The following NCAPG variants were observed in gnomAD, a reference collection of about 807,000 sequenced individuals.
NCAPG encodes non-SMC condensin I complex subunit G, also known as condensin complex subunit 3.
A neutral mutation model predicts 113.1 loss-of-function variants in NCAPG; 69 were observed. The observed-to-expected ratio is 0.61, with a 90% CI of 0.50 to 0.75. The LOEUF is 0.75. Ranked by LOEUF, NCAPG falls within the 30% of genes least tolerant of loss-of-function variation. The pLI is 0.00. For missense variants in NCAPG, 1,058 were observed against 1,177.0 expected (o/e 0.90, Z 1.48); for synonymous variants, 370 against 415.8 (o/e 0.89, Z 1.34).
rs1171538828 is a variant in NCAPG at position 17,812,846 on chromosome 4, A to C, written c.316-71A>C. The stretch of plus-strand genomic sequence containing the variant: ...AACTTCTTGCATTCCGAATGTATAG[A>C]GTTCAGATAATATTGATTATTTGGG... On this transcript the variant is annotated intron_variant, in intron 2 of 20. Coordinates refer to ENST00000251496, the MANE Select transcript of NCAPG (RefSeq NM_022346.5). 3.2e-6 allele frequency: 4 copies of C among 1,260,326 alleles called. No homozygotes were observed. The African/African-American group carries it at 5.9e-5, about 19-fold the overall frequency. 78.1% of individuals were successfully genotyped at this position (1,260,326 alleles called of 1,614,324 possible).
chr4:17,842,160 C>A, intron 19 of NCAPG, 150 bp from the exon 20 acceptor site: 2 of 591,530 alleles, frequency 3.4e-6, no homozygotes, highest in African/African-American at 1.9e-5. Flanking sequence ...GCAGTGATAA[C>A]TGGTACCAAG....
intron 13 of NCAPG, among the ~76,000 whole-genome samples, chr4:17,832,745 T>C (rs560255949): frequency 6.4e-4 from 97 of 152,114 alleles, no homozygotes; most frequent in African/African-American, 2.2e-3. Context: ...TATAGGACCC[T>C]AAGCCTCAGA....
At chr4:17,822,485 C>T (rs563304108) in intron 7 of NCAPG, among the ~76,000 whole-genome samples, 11 of 152,034 alleles carry the variant, frequency 7.2e-5, no homozygotes, top group African/African-American at 2.2e-4. Context: ...CCACTGTGCC[C>T]GGCTGAAGAT....
chr4:17,842,351 T>C lies in NCAPG; in HGVS notation c.2896T>C (p.Cys966Arg), dbSNP rs766309403. 1 of 1,612,190 alleles carries C rather than the reference T, an allele frequency of 6.2e-7. No homozygotes were observed. Among genetic ancestry groups the C allele is most frequent in the Non-Finnish European group, 8.5e-7 (1 of 1,178,560 alleles). ...VTVSARTNRRCQTAEADSESD... is the reference protein window; with the variant it reads ...VTVSARTNRRRQTAEADSESD... ...AGTTTCAGCTAGGACGAACAGGAGG[T>C]GTCAGACTGCTGAAGCCGACTCTGA... The change falls in exon 20 of 21, where the codon TGT becomes CGT. Residue 966 changes from cysteine to arginine, a missense_variant. Coordinates refer to ENST00000251496, the MANE Select transcript of NCAPG (RefSeq NM_022346.5).
Position 17,811,069 on chromosome 4 carries a change from TC to T in NCAPG, c.-7del. 6.7e-7 allele frequency: 1 copy of T among 1,488,282 alleles called. No individual in the cohort carries two copies. The highest frequency in any genetic ancestry group is 1.3e-5 in the South Asian group (1 of 77,738). The allele number at this position is 1,488,282 out of a possible 1,614,324, so 92.2% of individuals were successfully genotyped here. ...CGGGCAGGACTCGTCCCGGCAGGGTTCCAGAGCCATGGGAGCGGAAAGGAGG... is the reference window on the plus strand; with the variant it reads ...CGGGCAGGACTCGTCCCGGCAGGGTTCAGAGCCATGGGAGCGGAAAGGAGG... On this transcript the variant is annotated 5_prime_UTR_variant, in exon 1 of 21. Coordinates refer to ENST00000251496, the MANE Select transcript of NCAPG (RefSeq NM_022346.5). This position sits in a 1 kb window ranked among gnomAD's most constrained non-coding sequence, Gnocchi z 5.3.
At chr4:17,831,499 T>C (rs903443582) in intron 13 of NCAPG, among the ~76,000 whole-genome samples, 3 of 151,958 alleles carry the variant, frequency 2.0e-5, no homozygotes, top group African/African-American at 4.8e-5. Flanking sequence ...ATACAATGTA[T>C]CAGATAGAGA....
At chr4:17,831,608 C>G (rs1225438625) in intron 13 of NCAPG, among the ~76,000 whole-genome samples, 1 of 152,106 alleles carries the variant, frequency 6.6e-6, no homozygotes, top group East Asian at 1.9e-4. Context: ...GAGCAAATAC[C>G]AGAAGGAAGT....
At chr4:17,827,276 T>C (rs910347295) in intron 11 of NCAPG, among the ~76,000 whole-genome samples, 7 of 152,256 alleles carry the variant, frequency 4.6e-5, no homozygotes, top group African/African-American at 1.4e-4. Flanking sequence ...AAAAATTTTG[T>C]ATTCTAAGGA....
chr4:17,828,201 C>G, intron 11 of NCAPG, 77 bp from the exon 12 acceptor site: 1 of 965,512 alleles, frequency 1.0e-6, no homozygotes, highest in Middle Eastern at 2.2e-4. Context: ...ATGCCCTACA[C>G]AAAGCCCTGA....
At position 17,818,165 on chromosome 4, in the gene NCAPG, T is replaced by A. The variant is rs75873904; in HGVS notation, c.1118+77T>A. ...AATCTCCCAGTCCCCTTCCTCAAAG[T>A]CATGTTTGATTGTGAATATGTTAAA... On this transcript the variant is annotated intron_variant, in intron 7 of 20. Coordinates refer to ENST00000251496, the MANE Select transcript of NCAPG (RefSeq NM_022346.5). 1,860 of 1,438,232 alleles carry A rather than the reference T, an allele frequency of 1.3e-3. 77 individuals carry two copies. The East Asian group carries it at 0.043, about 33-fold the overall frequency. 89.1% of individuals were successfully genotyped at this position (1,438,232 alleles called of 1,614,324 possible).
At chr4:17,843,243 A>C (rs981505295) in intron 20 of NCAPG, 59 bp from the exon 21 acceptor site, 6 of 1,547,444 alleles carry the variant, frequency 3.9e-6, no homozygotes, top group Admixed American at 3.9e-5. Flanking sequence ...AGTTTTATTT[A>C]TAAATAAACT....
chr4:17,813,554 G>GT (rs1278123433), intron 3 of NCAPG, among the ~76,000 whole-genome samples: 1 of 151,866 alleles, frequency 6.6e-6, no homozygotes, highest in Non-Finnish European at 1.5e-5. Context: ...TTTTCATTGG[G>GT]TTTTTAATTT....
At position 17,811,396 on chromosome 4, in the gene NCAPG, G is replaced by A. The variant is rs1560219664; in HGVS notation, c.111+208G>A. 6.6e-6 allele frequency among the ~76,000 whole-genome samples: 1 copy of A among 152,206 alleles called. No homozygotes were observed. The highest frequency in any genetic ancestry group is 2.4e-5 in the African/African-American group (1 of 41,466). On this transcript the variant is annotated intron_variant, in intron 1 of 20. Coordinates refer to ENST00000251496, the MANE Select transcript of NCAPG (RefSeq NM_022346.5). This position sits in a 1 kb window ranked among gnomAD's most constrained non-coding sequence, Gnocchi z 5.3. The stretch of plus-strand genomic sequence containing the variant: ...GCCAGAAAGCCTCCGAAGCCTGGGC[G>A]TCGTTCACACGGGCCCCGCCTTGGC...
chr4:17,831,217 A>G, intron 13 of NCAPG, 101 bp downstream of exon 13: 1 of 1,208,618 alleles, frequency 8.3e-7, no homozygotes, highest in South Asian at 1.6e-5. Flanking sequence ...CTTATTGATG[A>G]TGATTATTAT....
chr4:17,831,252 T>C (rs1161877690), intron 13 of NCAPG, 136 bp downstream of exon 13: 2 of 991,224 alleles, frequency 2.0e-6, no homozygotes, highest in Admixed American at 6.5e-5. Flanking sequence ...GACACAATAC[T>C]TTTATCTTTT....
At position 17,843,612 on chromosome 4, in the gene NCAPG, A is replaced by C; in HGVS notation, c.*187A>C. The C allele has an allele frequency of 3.9e-6, 2 of 506,484 alleles. No individual in the cohort carries two copies. The highest frequency in any genetic ancestry group is 7.0e-6 in the Non-Finnish European group (2 of 285,816). 31.4% of individuals were successfully genotyped at this position (506,484 alleles called of 1,614,324 possible). A position where few individuals can be genotyped will look rare whatever the true frequency, so the allele number is the denominator to read the frequency against. ...GCATCAGTTATTATAGTCCAGAAAA[A>C]GTGTGCATCAGTCAGTCACACAGAT... On this transcript the variant is annotated 3_prime_UTR_variant, in exon 21 of 21. Coordinates refer to ENST00000251496, the MANE Select transcript of NCAPG (RefSeq NM_022346.5).
At chr4:17,834,269 C>CTTTTT in intron 13 of NCAPG, 30 bp from the exon 14 acceptor site, 1 of 1,420,568 alleles carries the variant, frequency 7.0e-7, no homozygotes, top group Non-Finnish European at 9.5e-7. Flanking sequence ...ACTGAATTTA[C>CTTTTT]TTTTTTTGGT....
intron 14 of NCAPG, among the ~76,000 whole-genome samples, chr4:17,834,740 C>G (rs948349012): frequency 6.6e-5 from 10 of 152,268 alleles, no homozygotes; most frequent in East Asian, 3.9e-4. Flanking sequence ...TCCCCTACCC[C>G]CCTATCCCCT....
chr4:17,830,239 AAAAATTAGCCAAGGGTGGT>A (rs1282831163), intron 12 of NCAPG, among the ~76,000 whole-genome samples: 2 of 151,986 alleles, frequency 1.3e-5, no homozygotes. Flanking sequence ...AAAAAAATAG[AAAAATTAGCCAAGGGTGGT>A]GACTCGGGCC....
Sources: gnomAD v4.1 joint callset for allele counts (sites outside exome capture counted in the v4.1 genomes callset) on GRCh38, gnomAD v4.1.1 for gene constraint, Gnocchi (gnomAD v3.1) non-coding constraint, MANE v1.5 for transcripts, NCBI Gene and HGNC (gene_info 2026-07-23, HGNC 2026-07-21) for gene names.